COPS3: variants seen among roughly 807,000 people sequenced by gnomAD.
COPS3 encodes the protein COP9 signalosome complex subunit 3.
Under a neutral mutation model 58.2 loss-of-function variants are expected in COPS3, and 10 were observed. That is an observed-to-expected ratio of 0.17 (90% CI 0.11 to 0.29). COPS3 has a LOEUF of 0.29. Among genes scored for constraint, COPS3 ranks in the 10% least tolerant of loss-of-function variants. The pLI, the probability that COPS3 is intolerant of heterozygous loss-of-function variation, is 1.00. For missense variants in COPS3, 333 were observed against 510.1 expected (o/e 0.65, Z 3.34); for synonymous variants, 187 against 181.7 (o/e 1.03, Z -0.24).
intron 1 of COPS3, among the ~76,000 whole-genome samples, chr17:17,279,131 C>G (rs1296025571): frequency 1.3e-5 from 2 of 152,138 alleles, no homozygotes; most frequent in African/African-American, 4.8e-5. Context: ...GCCTCGGCCT[C>G]CCAAAGTGCT....
At chr17:17,255,446 ACTGCT>A (rs1201225584) in intron 8 of COPS3, among the ~76,000 whole-genome samples, 1 of 148,136 alleles carries the variant, frequency 6.8e-6, no homozygotes, top group Non-Finnish European at 1.5e-5. Context: ...AGACTGCGCC[ACTGCT>A]CTCCAGCCTG....
At chr17:17,264,299 C>A (rs1232247929) in intron 6 of COPS3, among the ~76,000 whole-genome samples, 1 of 151,936 alleles carries the variant, frequency 6.6e-6, no homozygotes, top group African/African-American at 2.4e-5. Flanking sequence ...TCTGAGTAAA[C>A]CTCCAGAATA....
At chr17:17,253,138 A>G (rs1328258724) in intron 9 of COPS3, among the ~76,000 whole-genome samples, 1 of 152,154 alleles carries the variant, frequency 6.6e-6, no homozygotes, top group African/African-American at 2.4e-5. Context: ...AGGTGAGAGG[A>G]TCATTTAAGC....
intron 1 of COPS3, chr17:17,280,621 G>A (rs2048558684): frequency 7.7e-7 from 1 of 1,303,158 alleles, no homozygotes; most frequent in African/African-American, 1.5e-5. Flanking sequence ...AGGCGCACAG[G>A]TTCCCGAGCG....
intron 1 of COPS3, chr17:17,280,573 C>A (rs1304939124): frequency 2.3e-6 from 3 of 1,284,836 alleles, no homozygotes; most frequent in African/African-American, 3.1e-5. Context: ...TGGAGTCCTA[C>A]GAGCGAGAGC....
intron 4 of COPS3, among the ~76,000 whole-genome samples, chr17:17,268,822 A>AC (rs1567858446): frequency 5.2e-5 from 6 of 115,222 alleles, no homozygotes; most frequent in African/African-American, 1.9e-4. Flanking sequence ...CCATCTCAAA[A>AC]AAACAACAAC....
At chr17:17,261,602 G>A (rs775451865) in intron 7 of COPS3, 29 of 408,932 alleles carry the variant, frequency 7.1e-5, no homozygotes, top group African/African-American at 5.5e-4. Context: ...GCACACACCT[G>A]TAATCCCAGC....
rs1469218416 is a variant in COPS3 at position 17,248,914 on chromosome 17, A to G, written c.1137+12T>C. On this transcript the variant is annotated intron_variant, in intron 10 of 11. Transcript: ENST00000268717. ...TCAATTAAAAAAATAAAAACCTGGC[A>G]TTCATGTTTACCTCCTGATCAATGT... is the stretch of plus-strand genomic sequence containing the variant. The G allele has an allele frequency of 6.8e-7, 1 of 1,464,938 alleles. No individual in the cohort carries two copies. The highest frequency in any genetic ancestry group is 9.3e-7 in the Non-Finnish European group (1 of 1,070,998). 90.7% of individuals were successfully genotyped at this position (1,464,938 alleles called of 1,614,324 possible).
At chr17:17,247,430 C>G (rs2145178966) in intron 11 of COPS3, 50 bp downstream of exon 11, 1 of 1,529,544 alleles carries the variant, frequency 6.5e-7, no homozygotes, top group Middle Eastern at 1.7e-4. Flanking sequence ...GTGACAACAC[C>G]CCTCCTTCTC....
intron 1 of COPS3, 98 bp downstream of exon 1, chr17:17,281,034 G>A (rs921600463): frequency 8.5e-5 from 115 of 1,357,788 alleles, no homozygotes; most frequent in Middle Eastern, 5.4e-4. Context: ...AGAGTCTCAG[G>A]ACTAAAAGGG....
intron 8 of COPS3, among the ~76,000 whole-genome samples, chr17:17,255,557 G>A (rs1198147015): frequency 6.7e-6 from 1 of 150,204 alleles, no homozygotes; most frequent in East Asian, 2.0e-4. Context: ...TAAAACTGAT[G>A]GGCGAGGGGT....
At chr17:17,271,905 C>T (rs1042836547) in intron 2 of COPS3, among the ~76,000 whole-genome samples, 1 of 64,152 alleles carries the variant, frequency 1.6e-5, no homozygotes, top group African/African-American at 5.6e-5. Context: ...AAATAATAAA[C>T]ATGTATATAT....
At chr17:17,273,829 G>A (rs1232115731) in intron 2 of COPS3, among the ~76,000 whole-genome samples, 1 of 152,184 alleles carries the variant, frequency 6.6e-6, no homozygotes, top group African/African-American at 2.4e-5. Context: ...TCCTGACTGG[G>A]TGACAGAACA....
intron 9 of COPS3, among the ~76,000 whole-genome samples, chr17:17,250,255 T>C (rs895740240): frequency 9.7e-5 from 4 of 41,086 alleles, no homozygotes. Context: ...TTACATCGCC[T>C]TTTTTTTTTT....
At chr17:17,263,505 C>CTTTTTTTTTTTT (rs1400982096) in intron 6 of COPS3, among the ~76,000 whole-genome samples, 1 of 108,460 alleles carries the variant, frequency 9.2e-6, no homozygotes, top group Non-Finnish European at 1.8e-5. Flanking sequence ...AGCCTCTTGC[C>CTTTTTTTTTTTT]TTTTCTTTTT....
chr17:17,280,127 G>C (rs751060667), intron 1 of COPS3, among the ~76,000 whole-genome samples: 2 of 151,884 alleles, frequency 1.3e-5, no homozygotes, highest in African/African-American at 4.8e-5. Flanking sequence ...AATTAGCCGC[G>C]TGGGCTGGCC....
At position 17,248,733 on chromosome 17, in the gene COPS3, T is replaced by C. The variant is rs188293106; in HGVS notation, c.1137+193A>G. Among the ~76,000 whole-genome samples, 4 of 152,308 alleles carry C rather than the reference T, an allele frequency of 2.6e-5. No individual in the cohort carries two copies. In the East Asian group the frequency reaches 7.7e-4, roughly 29 times the overall value. On this transcript the variant is annotated intron_variant, in intron 10 of 11. Transcript: ENST00000268717. ...GGACAGTGGCACAATCTCGGCTCAC[T>C]GTAACCCGTCTCCAGGGTTCAAGCA...
chr17:17,250,055 C>G (rs2047808139), intron 9 of COPS3, among the ~76,000 whole-genome samples: 1 of 152,200 alleles, frequency 6.6e-6, no homozygotes, highest in Non-Finnish European at 1.5e-5. Context: ...TTAGCAGTCC[C>G]TCCCCATTCC....
At chr17:17,280,549 CAAA>C (rs1006946553) in intron 1 of COPS3, 4 of 936,426 alleles carry the variant, frequency 4.3e-6, no homozygotes, top group African/African-American at 2.1e-5. Flanking sequence ...TAAAAAAAAA[CAAA>C]GAAGAAGAAA....
Sources: allele counts gnomAD v4.1 joint callset (sites outside exome capture counted in the v4.1 genomes callset), GRCh38; gene constraint gnomAD v4.1.1; transcripts MANE v1.5; gene names NCBI Gene and HGNC (gene_info 2026-07-23, HGNC 2026-07-21).